The following MRPS18C variants were observed in gnomAD, a reference collection of about 807,000 sequenced individuals.
MRPS18C encodes small ribosomal subunit protein bS18m.
Under a neutral mutation model 21.0 loss-of-function variants are expected in MRPS18C, and 21 were observed. The observed-to-expected ratio is 1.00, with a 90% CI of 0.71 to 1.44. The LOEUF is 1.44. Ranked by LOEUF, MRPS18C falls within the 40% of genes most tolerant of loss-of-function variation. The probability of loss-of-function intolerance (pLI) is 0.00; values close to 1 mark genes in which losing one functional copy is unlikely to be tolerated. For missense variants in MRPS18C, 152 were observed against 171.5 expected (o/e 0.89, Z 0.64); for synonymous variants, 65 against 54.3 (o/e 1.20, Z -0.87).
rs1722145338 is a variant in MRPS18C at position 83,462,222 on chromosome 4, G to A, written c.*1025G>A. Reference sequence around the variant, plus strand: ...TTTTCCAATTCTAAAGAATGTGTCTGTGTAAGCCTTCCCCTCAACAACTTA... The same window carrying A: ...TTTTCCAATTCTAAAGAATGTGTCTATGTAAGCCTTCCCCTCAACAACTTA... On this transcript the variant is annotated 3_prime_UTR_variant, in exon 6 of 6. Coordinates refer to ENST00000295491, the MANE Select transcript of MRPS18C (RefSeq NM_016067.4). The A allele has an allele frequency of 2.2e-6, 1 of 455,452 alleles. No homozygotes were observed. 28.2% of individuals were successfully genotyped at this position (455,452 alleles called of 1,614,324 possible). A position where few individuals can be genotyped will look rare whatever the true frequency, so the allele number is the denominator to read the frequency against.
chr4:83,461,437 A>G lies in MRPS18C; in HGVS notation c.*240A>G. On this transcript the variant is annotated 3_prime_UTR_variant, in exon 6 of 6. Transcript: ENST00000295491. Reference sequence around the variant, plus strand: ...GATTGTCATTTATATCTGATCCCCAAATAGCTCATACAATAATCCATTCAA... The same window carrying G: ...GATTGTCATTTATATCTGATCCCCAGATAGCTCATACAATAATCCATTCAA... The G allele has an allele frequency of 4.3e-6, 2 of 466,684 alleles. No individual in the cohort carries two copies. Among genetic ancestry groups the G allele is most frequent in the Non-Finnish European group, 7.9e-6 (2 of 254,400 alleles). 28.9% of individuals were successfully genotyped at this position (466,684 alleles called of 1,614,324 possible).
intron 4 of MRPS18C, chr4:83,460,163 C>CTT (rs36014997): frequency 0.026 from 3,797 of 146,910 alleles, 144 homozygotes; most frequent in African/African-American, 0.085. Context: ...ACAAATGCCA[C>CTT]TTTTTTTTTT....
At chr4:83,460,503 G>A (rs1424870695) in intron 4 of MRPS18C, 4 of 160,214 alleles carry the variant, frequency 2.5e-5, no homozygotes, top group East Asian at 3.8e-4. Flanking sequence ...GGTTGTTTTC[G>A]AGCTACAACA....
intron 4 of MRPS18C, 80 bp from the exon 5 acceptor site, chr4:83,460,893 G>C (rs1722074036): frequency 1.7e-6 from 2 of 1,206,672 alleles, no homozygotes; most frequent in East Asian, 4.8e-5. Flanking sequence ...GTGACACAGG[G>C]AGACTCCATC....
chr4:83,459,557 C>T (rs1721998870), intron 3 of MRPS18C, 183 bp from the exon 4 acceptor site: 2 of 555,636 alleles, frequency 3.6e-6, no homozygotes, highest in Non-Finnish European at 6.4e-6. Flanking sequence ...AGACTTGACA[C>T]ACTGGATAGA....
rs1318574424 is a variant in MRPS18C at position 83,461,526 on chromosome 4, A to T, written c.*329A>T. The T allele has an allele frequency of 3.0e-6, 1 of 328,152 alleles. No individual in the cohort carries two copies. Among genetic ancestry groups the T allele is most frequent in the Non-Finnish European group, 5.8e-6 (1 of 173,586 alleles). 20.3% of individuals were successfully genotyped at this position (328,152 alleles called of 1,614,324 possible). On this transcript the variant is annotated 3_prime_UTR_variant, in exon 6 of 6. Coordinates refer to ENST00000295491, the MANE Select transcript of MRPS18C (RefSeq NM_016067.4). The stretch of plus-strand genomic sequence containing the variant: ...TAGCAAATATAAGTATGCCTGGTTA[A>T]GATATCTTCCCTTTGTAGAAATGTT...
rs1322355339 is a variant in MRPS18C at position 83,462,245 on chromosome 4, T to C, written c.*1048T>C. 2.0e-6 allele frequency: 1 copy of C among 492,858 alleles called. No homozygotes were observed. Among genetic ancestry groups the C allele is most frequent in the African/African-American group, 1.9e-5 (1 of 51,480 alleles). The allele number at this position is 492,858 out of a possible 1,614,324, so 30.5% of individuals were successfully genotyped here. Reference sequence around the variant, plus strand: ...CTGTGTAAGCCTTCCCCTCAACAACTTAGTGAAAGGTGAAAAAAAGGTTTG... The same window carrying C: ...CTGTGTAAGCCTTCCCCTCAACAACCTAGTGAAAGGTGAAAAAAAGGTTTG... On this transcript the variant is annotated 3_prime_UTR_variant, in exon 6 of 6. Coordinates refer to ENST00000295491, the MANE Select transcript of MRPS18C (RefSeq NM_016067.4).
chr4:83,457,300 T>C (rs187246287), intron 2 of MRPS18C: 45 of 195,132 alleles, frequency 2.3e-4, no homozygotes, highest in African/African-American at 7.8e-4. Context: ...GCAAATGATA[T>C]GGGAATTTTA....
chr4:83,458,297 A>AT (rs1560567178), intron 2 of MRPS18C, 49 bp from the exon 3 acceptor site: 1 of 1,296,442 alleles, frequency 7.7e-7, no homozygotes, highest in Admixed American at 1.8e-5. Context: ...ACCTTTTAAA[A>AT]TTCAGAATTA....
intron 4 of MRPS18C, 56 bp from the exon 5 acceptor site, chr4:83,460,915 AAT>A (rs1722075777): frequency 2.0e-6 from 3 of 1,520,616 alleles, no homozygotes; most frequent in Non-Finnish European, 2.7e-6. Context: ...CAAAAAAAAA[AAT>A]TGCAAACTTT....
intron 2 of MRPS18C, chr4:83,458,054 A>G: frequency 3.5e-6 from 1 of 289,634 alleles, no homozygotes; most frequent in Non-Finnish European, 6.4e-6. Flanking sequence ...CCTTAAATCT[A>G]AAAATTTTTT....
At chr4:83,461,083 A>G (rs770145230) in intron 5 of MRPS18C, 38 bp from the exon 6 acceptor site, 1 of 1,613,052 alleles carries the variant, frequency 6.2e-7, no homozygotes, top group South Asian at 1.1e-5. Context: ...AATTTTGCTC[A>G]TTATGTTTTG....
At chr4:83,458,186 C>A in intron 2 of MRPS18C, 160 bp from the exon 3 acceptor site, 1 of 545,968 alleles carries the variant, frequency 1.8e-6, no homozygotes, top group Middle Eastern at 4.3e-4. Flanking sequence ...ATGCGTTAAT[C>A]CGTAGGCTAA....
At chr4:83,459,877 AT>A in intron 4 of MRPS18C, 80 bp downstream of exon 4, 1 of 1,261,956 alleles carries the variant, frequency 7.9e-7, no homozygotes, top group South Asian at 1.4e-5. Context: ...GAAAACTCAA[AT>A]TTTCAAATTG....
chr4:83,457,963 T>G (rs144099791), intron 2 of MRPS18C: 11 of 201,842 alleles, frequency 5.4e-5, no homozygotes, highest in African/African-American at 2.4e-4. Context: ...GATAAAATAC[T>G]TGATAGAGAC....
chr4:83,459,695 A>T lies in MRPS18C; in HGVS notation c.235-45A>T, dbSNP rs373047460. The T allele has an allele frequency of 2.6e-6, 4 of 1,543,456 alleles. No individual in the cohort carries two copies. The East Asian group carries it at 6.8e-5, about 26-fold the overall frequency. On this transcript the variant is annotated intron_variant, in intron 3 of 5. Transcript: ENST00000295491. ...TTGAAATTTACACATTCAGAAATAA[A>T]TAACAGATACTTTTTTTTCCCCTCC...
At position 83,461,954 on chromosome 4, in the gene MRPS18C, A is replaced by G. The variant is rs759083370; in HGVS notation, c.*757A>G. 8.7e-6 allele frequency: 2 copies of G among 229,854 alleles called. No individual in the cohort carries two copies. The highest frequency in any genetic ancestry group is 1.7e-5 in the Non-Finnish European group (2 of 116,014). 14.2% of individuals were successfully genotyped at this position (229,854 alleles called of 1,614,324 possible). ...AGCATTTTATCTGGCAACTCTAGCCATAATGTACTTCTAAAAAAGTATCAC... is the reference window on the plus strand; with the variant it reads ...AGCATTTTATCTGGCAACTCTAGCCGTAATGTACTTCTAAAAAAGTATCAC... On this transcript the variant is annotated 3_prime_UTR_variant, in exon 6 of 6. Transcript: ENST00000295491.
chr4:83,459,705 CTTT>C (rs534293909), intron 3 of MRPS18C, 32 bp from the exon 4 acceptor site: 2 of 1,566,446 alleles, frequency 1.3e-6, no homozygotes, highest in African/African-American at 2.7e-5. Flanking sequence ...ATAACAGATA[CTTT>C]TTTTTCCCCT....
chr4:83,461,413 A>G lies in MRPS18C; in HGVS notation c.*216A>G, dbSNP rs1313677440. On this transcript the variant is annotated 3_prime_UTR_variant, in exon 6 of 6. Transcript: ENST00000295491. The stretch of plus-strand genomic sequence containing the variant: ...TGTTGAATAAAAGTGGTTCTGTGTG[A>G]TTGTCATTTATATCTGATCCCCAAA... The G allele has an allele frequency of 2.0e-6, 1 of 500,180 alleles. No individual in the cohort carries two copies. The highest frequency in any genetic ancestry group is 3.3e-5 in the East Asian group (1 of 30,566). The allele number at this position is 500,180 out of a possible 1,614,324, so 31.0% of individuals were successfully genotyped here.
Sources: gnomAD v4.1 joint callset for allele counts on GRCh38, gnomAD v4.1.1 for gene constraint, MANE v1.5 for transcripts, NCBI Gene and HGNC (gene_info 2026-07-23, HGNC 2026-07-21) for gene names.